DNAAF4: variants seen among roughly 807,000 people sequenced by gnomAD.
DNAAF4 encodes dynein assembly factor 4, axonemal.
Under a neutral mutation model 51.8 loss-of-function variants are expected in DNAAF4, and 43 were observed. The observed-to-expected ratio is 0.83, with a 90% confidence interval of 0.65 to 1.07. The LOEUF (loss-of-function observed/expected upper bound fraction) is 1.07, where lower values mean the gene tolerates loss of function less well. DNAAF4 is among the 50% of genes least tolerant of loss of function. The pLI, the probability that DNAAF4 is intolerant of heterozygous loss-of-function variation, is 0.00. For missense variants in DNAAF4, 581 were observed against 493.0 expected (o/e 1.18, Z -1.69); for synonymous variants, 194 against 165.6 (o/e 1.17, Z -1.32).
intron 4 of DNAAF4, among the ~76,000 whole-genome samples, chr15:55,483,216 C>A (rs2058436056): frequency 6.6e-6 from 1 of 152,076 alleles, no homozygotes; most frequent in Non-Finnish European, 1.5e-5. Flanking sequence ...CCTGCCTCAG[C>A]CTTCCGAGTA....
chr15:55,418,263 T>C (rs775666375), intron 7 of DNAAF4: 16 of 1,554,904 alleles, frequency 1.0e-5, no homozygotes, highest in Non-Finnish European at 1.4e-5. Context: ...GACACAGAAA[T>C]GAAATCTGAA....
rs1332664308 is a variant in DNAAF4 at position 55,467,172 on chromosome 15, T to A, written c.406-11A>T. ...CTCTTCTTCTTCAATCTATAACAATTGCAATTACCAAATTCTTTAAAATAC... is the reference window on the plus strand; with the variant it reads ...CTCTTCTTCTTCAATCTATAACAATAGCAATTACCAAATTCTTTAAAATAC... On this transcript the variant is annotated splice_polypyrimidine_tract_variant and intron_variant, in intron 4 of 9. Transcript: ENST00000321149. 6.6e-7 allele frequency: 1 copy of A among 1,507,590 alleles called. No individual in the cohort carries two copies. The highest frequency in any genetic ancestry group is 8.9e-7 in the Non-Finnish European group (1 of 1,119,010). 93.4% of individuals were successfully genotyped at this position (1,507,590 alleles called of 1,614,324 possible). A position where few individuals can be genotyped will look rare whatever the true frequency, so the allele number is the denominator to read the frequency against.
chr15:55,422,763 G>T (rs1481069452), intron 7 of DNAAF4, among the ~76,000 whole-genome samples: 2 of 152,192 alleles, frequency 1.3e-5, no homozygotes, highest in African/African-American at 4.8e-5. Flanking sequence ...TTGGGAGGCT[G>T]AGGTGGGCAG....
rs578179009 is a variant in DNAAF4 at position 55,487,286 on chromosome 15, A to G, written c.405+3837T>C. On this transcript the variant is annotated intron_variant, in intron 4 of 9. Coordinates refer to ENST00000321149, the MANE Select transcript of DNAAF4 (RefSeq NM_130810.4). ...ATGCACCAATCAGTGCTCTGTGTCT[A>G]GCTAAAGGATTGTAAACGCGCCAAT... 1.4e-4 allele frequency among the ~76,000 whole-genome samples: 21 copies of G among 152,320 alleles called. No homozygotes were observed. In the South Asian group the frequency reaches 3.7e-3, roughly 27 times the overall value.
At chr15:55,476,572 A>T (rs151337880) in intron 4 of DNAAF4, among the ~76,000 whole-genome samples, 185 of 152,310 alleles carry the variant, frequency 1.2e-3, no homozygotes, top group African/African-American at 4.3e-3. Flanking sequence ...ATACAAACAG[A>T]TTTTTTTAAA....
chr15:55,473,830 A>G (rs1269205364), intron 4 of DNAAF4, among the ~76,000 whole-genome samples: 1 of 151,940 alleles, frequency 6.6e-6, no homozygotes, highest in Admixed American at 6.6e-5. Flanking sequence ...TATCTCTACA[A>G]AAAATAAAAA....
intron 5 of DNAAF4, among the ~76,000 whole-genome samples, chr15:55,451,987 C>T (rs1262290141): frequency 6.6e-6 from 1 of 151,844 alleles, no homozygotes; most frequent in Admixed American, 6.6e-5. Flanking sequence ...CGGCTCACAC[C>T]TGTAATCCTA....
At chr15:55,497,174 T>G (rs1384536658) in intron 3 of DNAAF4, among the ~76,000 whole-genome samples, 1 of 152,170 alleles carries the variant, frequency 6.6e-6, no homozygotes, top group African/African-American at 2.4e-5. Context: ...GGGTATTCAC[T>G]TTTTTCCCTG....
chr15:55,465,049 C>T (rs2058148685), intron 5 of DNAAF4, among the ~76,000 whole-genome samples: 1 of 152,042 alleles, frequency 6.6e-6, no homozygotes. Context: ...AACCACAATG[C>T]GATACCACCT....
chr15:55,482,588 A>T (rs1409585091), intron 4 of DNAAF4, among the ~76,000 whole-genome samples: 1 of 152,188 alleles, frequency 6.6e-6, no homozygotes, highest in Non-Finnish European at 1.5e-5. Context: ...CTGAGGCAGG[A>T]GAATCACTTG....
chr15:55,501,218 G>C (rs1442851900), intron 1 of DNAAF4, among the ~76,000 whole-genome samples: 1 of 146,142 alleles, frequency 6.8e-6, no homozygotes, highest in Non-Finnish European at 1.5e-5. Flanking sequence ...CATGCACCAC[G>C]AAGCCCAGCT....
At chr15:55,458,019 G>A (rs2058044538) in intron 5 of DNAAF4, among the ~76,000 whole-genome samples, 1 of 152,172 alleles carries the variant, frequency 6.6e-6, no homozygotes, top group Admixed American at 6.5e-5. Flanking sequence ...ACACCCATGG[G>A]ACAGAAGAAT....
intron 8 of DNAAF4, among the ~76,000 whole-genome samples, chr15:55,434,258 A>G (rs2057572386): frequency 6.6e-6 from 1 of 150,464 alleles, no homozygotes; most frequent in African/African-American, 2.4e-5. Context: ...CAGCTTATTC[A>G]TTCATTCAAC....
At position 55,448,165 on chromosome 15, in the gene DNAAF4, T is replaced by G. The variant is rs1246426898; in HGVS notation, c.783+2057A>C. On this transcript the variant is annotated intron_variant, in intron 6 of 9. Coordinates refer to ENST00000321149, the MANE Select transcript of DNAAF4 (RefSeq NM_130810.4). Reference sequence around the variant, plus strand: ...AAGGCCTTTTCTGCATCTGGTGAGATAATCATGCGGTTTTTATCTTTGGTT... The same window carrying G: ...AAGGCCTTTTCTGCATCTGGTGAGAGAATCATGCGGTTTTTATCTTTGGTT... Among the ~76,000 whole-genome samples, 4 of 152,298 alleles carry G rather than the reference T, an allele frequency of 2.6e-5. No individual in the cohort carries two copies. The East Asian group carries it at 7.7e-4, about 29-fold the overall frequency.
intron 6 of DNAAF4, among the ~76,000 whole-genome samples, chr15:55,441,048 T>C (rs2057703394): frequency 6.6e-6 from 1 of 151,988 alleles, no homozygotes; most frequent in Admixed American, 6.6e-5. Context: ...CCAAATTTCT[T>C]GCTTTCTGGG....
intron 5 of DNAAF4, among the ~76,000 whole-genome samples, chr15:55,453,531 G>A (rs1215281239): frequency 1.4e-5 from 2 of 145,020 alleles, no homozygotes; most frequent in Admixed American, 6.9e-5. Flanking sequence ...ACAGAGAGGT[G>A]TGAAAAAAAA....
At chr15:55,507,649 T>C (rs992500258) in intron 1 of DNAAF4, among the ~76,000 whole-genome samples, 2 of 152,126 alleles carry the variant, frequency 1.3e-5, no homozygotes, top group South Asian at 2.1e-4. Context: ...GGGAGCCTTT[T>C]TGGTAACCAA....
chr15:55,500,654 T>C (rs1393445406), intron 1 of DNAAF4, among the ~76,000 whole-genome samples: 1 of 152,136 alleles, frequency 6.6e-6, no homozygotes, highest in Non-Finnish European at 1.5e-5. Flanking sequence ...CTGACTACCA[T>C]GATCCTACTA....
At chr15:55,457,207 C>A (rs907792551) in intron 5 of DNAAF4, among the ~76,000 whole-genome samples, 2 of 152,114 alleles carry the variant, frequency 1.3e-5, no homozygotes, top group Admixed American at 6.6e-5. Context: ...AAACGCAGTG[C>A]GGTTGGGGTG....
Sources: allele counts gnomAD v4.1 joint callset (sites outside exome capture counted in the v4.1 genomes callset), GRCh38; gene constraint gnomAD v4.1.1; transcripts MANE v1.5; gene names NCBI Gene and HGNC (gene_info 2026-07-23, HGNC 2026-07-21).